ZNF398: variants seen among roughly 807,000 people sequenced by gnomAD.
ZNF398 encodes zinc finger protein 398.
ZNF398 carries 18 observed loss-of-function variants against 41.9 expected under a neutral mutation model. That is an observed-to-expected ratio of 0.43 (90% CI 0.30 to 0.64). The LOEUF is 0.64. Among genes scored for constraint, ZNF398 ranks in the 30% least tolerant of loss-of-function variants. The pLI is 0.14. For synonymous variants in ZNF398, 260 were observed against 308.8 expected (o/e 0.84, Z 1.66); for missense variants, 669 against 822.8 (o/e 0.81, Z 2.29).
chr7:149,179,109 C>G lies in ZNF398; in HGVS notation c.1237C>G (p.Leu413Val), dbSNP rs1377039824. 6.2e-7 allele frequency: 1 copy of G among 1,614,126 alleles called. No homozygotes were observed. Reference sequence around the variant, plus strand: ...CAGGACTTTTACTCACCCATCAAGACTTACCTACCATCTTCGGGTCCATAA... The same window carrying G: ...CAGGACTTTTACTCACCCATCAAGAGTTACCTACCATCTTCGGGTCCATAA... Reference protein sequence around the residue: ...CARTFTHPSRLTYHLRVHNST... With the variant: ...CARTFTHPSRVTYHLRVHNST... The change falls in exon 6 of 6, where the codon CTT (leucine) becomes GTT (valine). Residue 413 changes from leucine to valine, a missense_variant. Around this residue, in one of 3 missense-constraint regions of ZNF398, gnomAD observed 290 missense variants for 292.9 expected, o/e 0.99. Transcript: ENST00000475153. This position sits in a 1 kb window ranked among gnomAD's most constrained non-coding sequence, Gnocchi z 6.1.
Position 149,172,731 on chromosome 7 carries a change from T to C in ZNF398, c.662-3737T>C, listed in dbSNP as rs75251477. ...TACGGCCACAGTGTGTGATAAATAC[T>C]TAGTTAATATGGAAACAGCATTAAA... is the stretch of plus-strand genomic sequence containing the variant. On this transcript the variant is annotated intron_variant, in intron 4 of 5. Coordinates refer to ENST00000475153, the MANE Select transcript of ZNF398 (RefSeq NM_170686.3). Among the ~76,000 whole-genome samples the C allele has an allele frequency of 8.7e-3, 1,323 of 152,284 alleles. 9 individuals are homozygous for C. Among genetic ancestry groups the C allele is most frequent in the African/African-American group, 0.015 (636 of 41,550 alleles).
intron 2 of ZNF398, among the ~76,000 whole-genome samples, chr7:149,159,365 C>T (rs1635956): frequency 0.053 from 7,985 of 151,548 alleles, 275 homozygotes; most frequent in Non-Finnish European, 0.08. Context: ...TGCTCTTTTT[C>T]GGCTGGGCGC....
chr7:149,145,941 C>CTTTT (rs1826928408), upstream of ZNF398, among the ~76,000 whole-genome samples: 1 of 66,510 alleles, frequency 1.5e-5, no homozygotes, highest in African/African-American at 3.8e-5. Flanking sequence ...TCTCGCAGGT[C>CTTTT]CTTTTTTTTT....
intron 2 of ZNF398, among the ~76,000 whole-genome samples, chr7:149,163,194 T>TTTTG (rs199552384): frequency 1.6e-5 from 2 of 128,486 alleles, no homozygotes; most frequent in African/African-American, 2.9e-5. Flanking sequence ...AAAATACCTG[T>TTTTG]TTTGTTTGTT....
At position 149,159,189 on chromosome 7, in the gene ZNF398, G is replaced by T. The variant is rs190016526; in HGVS notation, c.420+4849G>T. 1.5e-3 allele frequency among the ~76,000 whole-genome samples: 231 copies of T among 151,838 alleles called. 1 individual carries two copies. The highest frequency in any genetic ancestry group is 4.9e-3 in the African/African-American group (203 of 41,476). On this transcript the variant is annotated intron_variant, in intron 2 of 5. Transcript: ENST00000475153. ...AACTCTGACCTCAAGTGATGCACCTGCCCTGGTCTCCCAAAGTGCTGGGAT... is the reference window on the plus strand; with the variant it reads ...AACTCTGACCTCAAGTGATGCACCTTCCCTGGTCTCCCAAAGTGCTGGGAT...
intron 2 of ZNF398, among the ~76,000 whole-genome samples, chr7:149,163,446 C>T (rs1795155122): frequency 6.9e-6 from 1 of 145,260 alleles, no homozygotes; most frequent in Non-Finnish European, 1.5e-5. Flanking sequence ...GATCTCGGCT[C>T]ACCGCAACCT....
At chr7:149,152,733 T>C (rs1011990563) in intron 1 of ZNF398, among the ~76,000 whole-genome samples, 1 of 151,906 alleles carries the variant, frequency 6.6e-6, no homozygotes, top group African/African-American at 2.4e-5. Context: ...GGCCGGCTAA[T>C]TTTGTATCTT....
intron 2 of ZNF398, among the ~76,000 whole-genome samples, chr7:149,134,792 G>A (rs1029368511): frequency 1.3e-5 from 2 of 152,072 alleles, no homozygotes; most frequent in East Asian, 1.9e-4. Flanking sequence ...ATGCAGTGGC[G>A]CAATCTTGGC....
chr7:149,159,946 G>A (rs986818217), intron 2 of ZNF398, among the ~76,000 whole-genome samples: 39 of 151,842 alleles, frequency 2.6e-4, no homozygotes, highest in African/African-American at 9.4e-4. Flanking sequence ...GGCTTGTCTC[G>A]AACTCCTGAC....
chr7:149,176,981 C>T (rs948518093), intron 5 of ZNF398, among the ~76,000 whole-genome samples: 1 of 151,952 alleles, frequency 6.6e-6, no homozygotes, highest in African/African-American at 2.4e-5. Flanking sequence ...TAAGAGCCCT[C>T]CCTCAGTGAA....
chr7:149,150,560 C>T (rs927099836), intron 1 of ZNF398, among the ~76,000 whole-genome samples: 2 of 152,132 alleles, frequency 1.3e-5, no homozygotes, highest in African/African-American at 4.8e-5. Flanking sequence ...GATTACACCA[C>T]TGCACTCCAG....
upstream of ZNF398, among the ~76,000 whole-genome samples, chr7:149,143,262 C>T (rs939054915): frequency 2.2e-4 from 33 of 152,248 alleles, no homozygotes; most frequent in African/African-American, 6.5e-4. Flanking sequence ...TAAAGCTGAT[C>T]GGATAAAGGC....
intron 2 of ZNF398, among the ~76,000 whole-genome samples, chr7:149,135,714 G>A (rs1826698496): frequency 6.6e-6 from 1 of 152,094 alleles, no homozygotes; most frequent in Non-Finnish European, 1.5e-5. Context: ...AGCACTTTGG[G>A]AGGCTGAAGC....
rs1795606201 is a variant in ZNF398 at position 149,182,128 on chromosome 7, G to C, written c.*2327G>C. 1 of 152,152 alleles carries C rather than the reference G, an allele frequency of 6.6e-6. No homozygotes were observed. Among genetic ancestry groups the C allele is most frequent in the South Asian group, 2.1e-4 (1 of 4,824 alleles). 9.4% of individuals were successfully genotyped at this position (152,152 alleles called of 1,614,324 possible). A position where few individuals can be genotyped will look rare whatever the true frequency, so the allele number is the denominator to read the frequency against. On this transcript the variant is annotated 3_prime_UTR_variant, in exon 6 of 6. Transcript: ENST00000475153. ...TATTAGTGAAAGAGACCTGTGGATT[G>C]AAATGGCTGCAGATAGATCCCGCAG...
intron 2 of ZNF398, among the ~76,000 whole-genome samples, chr7:149,156,667 T>C (rs978666662): frequency 6.6e-6 from 1 of 150,838 alleles, no homozygotes; most frequent in Non-Finnish European, 1.5e-5. Context: ...GAGACCAGCC[T>C]GACCAACATG....
chr7:149,144,641 T>TTTC (rs1826895578), upstream of ZNF398, among the ~76,000 whole-genome samples: 1 of 151,086 alleles, frequency 6.6e-6, no homozygotes, highest in Non-Finnish European at 1.5e-5. Flanking sequence ...CAGGCTGGAG[T>TTTC]GCAATGGTGC....
rs970589760 is a variant in ZNF398 at position 149,180,838 on chromosome 7, T to G, written c.*1037T>G. ...GAACTCTTGGTCCTCAGTAGTGAGA[T>G]GATAACAGTGTTATAATGCAGCTTC... On this transcript the variant is annotated 3_prime_UTR_variant, in exon 6 of 6. Coordinates refer to ENST00000475153, the MANE Select transcript of ZNF398 (RefSeq NM_170686.3). 5 of 152,218 alleles carry G rather than the reference T, an allele frequency of 3.3e-5. No individual in the cohort carries two copies. Among genetic ancestry groups the G allele is most frequent in the African/African-American group, 1.2e-4 (5 of 41,448 alleles). The allele number at this position is 152,218 out of a possible 1,614,324, so 9.4% of individuals were successfully genotyped here.
intron 4 of ZNF398, among the ~76,000 whole-genome samples, chr7:149,173,334 C>T (rs968022265): frequency 3.3e-5 from 5 of 151,498 alleles, no homozygotes; most frequent in African/African-American, 7.3e-5. Context: ...CTCGAACTCC[C>T]GACCTCAGGT....
chr7:149,145,565 C>G (rs1188047679), upstream of ZNF398, among the ~76,000 whole-genome samples: 1 of 152,168 alleles, frequency 6.6e-6, no homozygotes, highest in African/African-American at 2.4e-5. Flanking sequence ...AGATGTTTTT[C>G]AGACCACGAG....
Sources: gnomAD v4.1 joint callset for allele counts (sites outside exome capture counted in the v4.1 genomes callset) on GRCh38, gnomAD v4.1.1 for gene constraint, gnomAD v4.1.1 regional missense constraint, Gnocchi (gnomAD v3.1) non-coding constraint, MANE v1.5 for transcripts, NCBI Gene and HGNC (gene_info 2026-07-23, HGNC 2026-07-21) for gene names.